Variants in TRIO observed in about 807,000 individuals in gnomAD.
TRIO encodes the protein triple functional domain protein.
A neutral mutation model predicts 351.9 loss-of-function variants in TRIO; 58 were observed. The observed-to-expected ratio is 0.16, with a 90% CI of 0.13 to 0.21. The LOEUF (loss-of-function observed/expected upper bound fraction) is 0.21. Ranked by LOEUF, TRIO falls within the 10% of genes least tolerant of loss-of-function variation. The probability of loss-of-function intolerance (pLI) is 1.00; values close to 1 mark genes in which losing one functional copy is unlikely to be tolerated. For missense variants in TRIO, 3,201 were observed against 4,027.8 expected, an observed-to-expected ratio of 0.79 and a Z score of 5.56; for synonymous variants, 1,758 against 1,595.7, an observed-to-expected ratio of 1.10 and a Z score of -2.42.
rs778034528 is a variant in TRIO, at chr5:14,492,555, G to C, written c.7633-12G>C. The stretch of plus-strand genomic sequence containing the variant: ...TCCCTGCCTTTCTCTGTCTTCATCT[G>C]TCCCTCTGCAGAGTGAAAGCAGCAG... On this transcript the variant is annotated splice_polypyrimidine_tract_variant and intron_variant, in intron 48 of 56. Coordinates refer to ENST00000344204, the MANE Select transcript of TRIO (RefSeq NM_007118.4). 3.1e-6 allele frequency: 5 copies of C among 1,613,592 alleles called. No individual in the cohort carries two copies. In the South Asian group the frequency reaches 4.4e-5, roughly 14 times the overall value.
chr5:14,493,616 C>T (rs778262444), intron 49 of TRIO, among the ~76,000 whole-genome samples: 2 of 152,144 alleles, frequency 1.3e-5, no homozygotes, highest in Non-Finnish European at 2.9e-5. Context: ...GCCTGAGACA[C>T]AACAATATCG....
chr5:14,328,749 A>G (rs938504252), intron 9 of TRIO, among the ~76,000 whole-genome samples: 6 of 152,200 alleles, frequency 3.9e-5, no homozygotes, highest in South Asian at 2.1e-4. Context: ...CAGGTAAGGA[A>G]CCTGAAGCTG....
chr5:14,402,510 G>A (rs2152376589), intron 31 of TRIO, among the ~76,000 whole-genome samples: 1 of 152,232 alleles, frequency 6.6e-6, no homozygotes, highest in Non-Finnish European at 1.5e-5. Context: ...GTGATGGTGG[G>A]AATGGTAGTG....
rs1202728479 is a variant in TRIO, at chr5:14,369,537, T to C, written c.3216+14T>C. On this transcript the variant is annotated intron_variant, in intron 18 of 56. Transcript: ENST00000344204. ...GCATTCCTGAAGGTAGGGGCAGCGC[T>C]GCGGGACAGTGCACCCATCAGAGGC... is the stretch of plus-strand genomic sequence containing the variant. 1.9e-6 allele frequency: 3 copies of C among 1,609,894 alleles called. No individual in the cohort carries two copies. Among genetic ancestry groups the C allele is most frequent in the African/African-American group, 2.7e-5 (2 of 74,888 alleles).
intron 11 of TRIO, among the ~76,000 whole-genome samples, chr5:14,347,908 A>C (rs929988890): frequency 2.6e-5 from 4 of 152,234 alleles, no homozygotes; most frequent in Admixed American, 6.5e-5. Flanking sequence ...AGTTTCATTA[A>C]TCAGTTTTAA....
intron 1 of TRIO, among the ~76,000 whole-genome samples, chr5:14,254,646 C>G (rs923954338): frequency 6.6e-5 from 10 of 152,172 alleles, no homozygotes; most frequent in Admixed American, 3.9e-4. Context: ...GGTCTCCACC[C>G]TCCTCCTCCT....
At chr5:14,293,280 C>G in intron 6 of TRIO, 146 bp downstream of exon 6, 1 of 1,137,378 alleles carries the variant, frequency 8.8e-7, no homozygotes. Context: ...GAGGGTGTTC[C>G]CTAGGGTTCC....
Position 14,366,986 on chromosome 5 carries a change from G to A in TRIO, c.2874+7G>A. 6.2e-7 allele frequency: 1 copy of A among 1,613,996 alleles called. No individual in the cohort carries two copies. Among genetic ancestry groups the A allele is most frequent in the Non-Finnish European group, 8.5e-7 (1 of 1,180,008 alleles). On this transcript the variant is annotated splice_region_variant and intron_variant, in intron 16 of 56. Coordinates refer to ENST00000344204, the MANE Select transcript of TRIO (RefSeq NM_007118.4). Reference sequence around the variant, plus strand: ...GTTCCAGCATGCCATTGAGGTAAGGGCGCTGGGCCTGCCTGTGTGTTGGCT... The same window carrying A: ...GTTCCAGCATGCCATTGAGGTAAGGACGCTGGGCCTGCCTGTGTGTTGGCT...
chr5:14,431,028 C>T (rs904922654), intron 34 of TRIO, among the ~76,000 whole-genome samples: 2 of 152,200 alleles, frequency 1.3e-5, no homozygotes, highest in African/African-American at 4.8e-5. Flanking sequence ...TTGAATAAGA[C>T]AGTTTTTAAA....
chr5:14,175,054 A>G (rs1561164582), intron 1 of TRIO, among the ~76,000 whole-genome samples: 1 of 151,830 alleles, frequency 6.6e-6, no homozygotes, highest in Admixed American at 6.6e-5. Context: ...GATCATTACT[A>G]TTTTTTTTAG....
chr5:14,317,729 C>T (rs1037554365), intron 9 of TRIO, among the ~76,000 whole-genome samples: 1 of 152,194 alleles, frequency 6.6e-6, no homozygotes, highest in African/African-American at 2.4e-5. Flanking sequence ...CGGTGGCTCA[C>T]GCCTGTAATC....
At chr5:14,323,873 C>G (rs543639598) in intron 9 of TRIO, among the ~76,000 whole-genome samples, 1 of 152,324 alleles carries the variant, frequency 6.6e-6, no homozygotes, top group South Asian at 2.1e-4. Context: ...ATAATATTGA[C>G]TATCCTTACA....
chr5:14,268,007 A>G (rs1008181483), intron 1 of TRIO, among the ~76,000 whole-genome samples: 11 of 152,368 alleles, frequency 7.2e-5, no homozygotes, highest in Admixed American at 2.6e-4. Flanking sequence ...ATGTACCTAC[A>G]TCGCAATAAA....
intron 1 of TRIO, among the ~76,000 whole-genome samples, chr5:14,241,626 A>G (rs1406053581): frequency 6.6e-6 from 1 of 152,212 alleles, no homozygotes; most frequent in Non-Finnish European, 1.5e-5. Context: ...TGTCAGCTCT[A>G]AAACTCTGAT....
At chr5:14,491,515 T>C (rs1428064429) in intron 48 of TRIO, among the ~76,000 whole-genome samples, 3 of 152,214 alleles carry the variant, frequency 2.0e-5, no homozygotes, top group African/African-American at 7.2e-5. Context: ...CTTCAGGCGT[T>C]GGCAGGGGAT....
chr5:14,256,253 A>G (rs1355106455), intron 1 of TRIO, among the ~76,000 whole-genome samples: 1 of 152,170 alleles, frequency 6.6e-6, no homozygotes, highest in African/African-American at 2.4e-5. Context: ...ACCAGGTTTC[A>G]CATGAACCAA....
At chr5:14,328,908 G>A (rs1418096716) in intron 9 of TRIO, among the ~76,000 whole-genome samples, 3 of 152,122 alleles carry the variant, frequency 2.0e-5, no homozygotes, top group Non-Finnish European at 4.4e-5. Context: ...GTGCCTGCCA[G>A]TTCTAGAAGG....
intron 1 of TRIO, among the ~76,000 whole-genome samples, chr5:14,189,552 G>A (rs779251396): frequency 1.3e-5 from 2 of 152,120 alleles, no homozygotes; most frequent in Non-Finnish European, 2.9e-5. Context: ...TCTCATCTTA[G>A]GTTGTACATA....
chr5:14,448,239 AAAGCCACACAACT>A (rs1386913170), intron 34 of TRIO, among the ~76,000 whole-genome samples: 3 of 152,264 alleles, frequency 2.0e-5, no homozygotes, highest in African/African-American at 7.2e-5. Context: ...AACATCTGAA[AAAGCCACACAACT>A]AGAGGAGCAT....
Sources: allele counts gnomAD v4.1 joint callset (sites outside exome capture counted in the v4.1 genomes callset), GRCh38; gene constraint gnomAD v4.1.1; transcripts MANE v1.5; gene names NCBI Gene and HGNC (gene_info 2026-07-23, HGNC 2026-07-21).